The following GALNT14 variants were observed in gnomAD, a reference collection of about 807,000 sequenced individuals.
The protein encoded by GALNT14 is UDP-GalNAc:polypeptide N-acetylgalactosaminyltransferase 14.
In GALNT14, 60 loss-of-function variants were observed where a neutral mutation model predicts 77.5. That is an observed-to-expected ratio of 0.77 (90% CI 0.63 to 0.96). The LOEUF (loss-of-function observed/expected upper bound fraction) is 0.96. Ranked by LOEUF, GALNT14 falls within the 40% of genes least tolerant of loss-of-function variation. The pLI is 0.00. For synonymous variants in GALNT14, 280 were observed against 281.7 expected, an observed-to-expected ratio of 0.99 and a Z score of 0.06; for missense variants, 710 against 731.0, an observed-to-expected ratio of 0.97 and a Z score of 0.33.
chr2:30,928,339 C>T (rs1420575781), intron 11 of GALNT14, among the ~76,000 whole-genome samples: 1 of 152,160 alleles, frequency 6.6e-6, no homozygotes, highest in African/African-American at 2.4e-5. Flanking sequence ...CCCAAAGAAA[C>T]ATAAATGATA....
chr2:31,057,578 C>T (rs1269306703), intron 1 of GALNT14, among the ~76,000 whole-genome samples: 2 of 151,670 alleles, frequency 1.3e-5, no homozygotes, highest in African/African-American at 2.4e-5. Flanking sequence ...CACAGTCACC[C>T]GGAGGAACAA....
chr2:31,040,154 T>C (rs1299379947), intron 1 of GALNT14, among the ~76,000 whole-genome samples: 2 of 152,228 alleles, frequency 1.3e-5, no homozygotes, highest in Non-Finnish European at 2.9e-5. Context: ...ATGTACTCAG[T>C]ATAAATCACC....
intron 1 of GALNT14, among the ~76,000 whole-genome samples, chr2:31,065,775 C>T (rs1674911172): frequency 6.6e-6 from 1 of 152,174 alleles, no homozygotes; most frequent in African/African-American, 2.4e-5. Flanking sequence ...AACCCTCCTA[C>T]AAATCCCTCC....
At chr2:31,007,359 T>C (rs1478995720) in intron 1 of GALNT14, among the ~76,000 whole-genome samples, 2 of 152,204 alleles carry the variant, frequency 1.3e-5, no homozygotes, top group Non-Finnish European at 2.9e-5. Context: ...GGATTTATGA[T>C]GCACTTGCTT....
Position 30,948,463 on chromosome 2 carries a change from C to A in GALNT14, c.655-2593G>T, listed in dbSNP as rs544559144. On this transcript the variant is annotated intron_variant, in intron 6 of 14. Transcript: ENST00000349752. ...GCCGTGTGGTACCAACTCAACTTGA[C>A]CTCTGAAAAGGCATGGAGACCATGA... is the stretch of plus-strand genomic sequence containing the variant. Among the ~76,000 whole-genome samples, 6 of 152,302 alleles carry A rather than the reference C, an allele frequency of 3.9e-5. No individual in the cohort carries two copies. The East Asian group carries it at 7.7e-4, about 20-fold the overall frequency.
At chr2:30,932,038 C>T (rs759533365) in intron 10 of GALNT14, 30 bp downstream of exon 10, 6 of 1,469,466 alleles carry the variant, frequency 4.1e-6, no homozygotes, top group Non-Finnish European at 5.4e-6. Flanking sequence ...TGTGCTGCTG[C>T]CCACCCGCGC....
At chr2:30,938,265 G>A (rs1666170922) in intron 9 of GALNT14, among the ~76,000 whole-genome samples, 1 of 150,330 alleles carries the variant, frequency 6.7e-6, no homozygotes, top group African/African-American at 2.5e-5. Context: ...GCTCCTTTTT[G>A]GAAATATGCA....
chr2:31,052,932 GGA>G (rs1673975647), intron 1 of GALNT14, among the ~76,000 whole-genome samples: 2 of 152,196 alleles, frequency 1.3e-5, no homozygotes, highest in African/African-American at 4.8e-5. Context: ...TTCAAAAGGA[GGA>G]GAGCCGTGAG....
At chr2:31,014,225 G>C (rs1671207255) in intron 1 of GALNT14, among the ~76,000 whole-genome samples, 1 of 152,188 alleles carries the variant, frequency 6.6e-6, no homozygotes, top group Non-Finnish European at 1.5e-5. Flanking sequence ...AGGAGAAGCT[G>C]ACTAAAGATG....
At chr2:31,067,554 T>C (rs956991064) in intron 1 of GALNT14, among the ~76,000 whole-genome samples, 14 of 152,108 alleles carry the variant, frequency 9.2e-5, no homozygotes, top group African/African-American at 3.4e-4. Context: ...TGCTGTAAAA[T>C]AGGGTCCCTG....
chr2:31,025,689 G>T (rs1672005044), intron 1 of GALNT14, among the ~76,000 whole-genome samples: 1 of 152,210 alleles, frequency 6.6e-6, no homozygotes, highest in African/African-American at 2.4e-5. Flanking sequence ...GAGAGGGCAA[G>T]TGCATGTGAG....
chr2:31,066,588 A>G lies in GALNT14; in HGVS notation c.129+71370T>C, dbSNP rs115774830. ...CTGACAGGAGTTGGACACGAAGTAC[A>G]TCTCGGCCAAAACATCATCATCCCC... is the stretch of plus-strand genomic sequence containing the variant. On this transcript the variant is annotated intron_variant, in intron 1 of 14. Transcript: ENST00000349752. Among the ~76,000 whole-genome samples, 748 of 152,266 alleles carry G rather than the reference A, an allele frequency of 4.9e-3. 3 individuals are homozygous for G. The highest frequency in any genetic ancestry group is 7.6e-3 in the Non-Finnish European group (514 of 68,004).
At chr2:31,068,902 G>T (rs1462826013) in intron 1 of GALNT14, among the ~76,000 whole-genome samples, 1 of 152,200 alleles carries the variant, frequency 6.6e-6, no homozygotes, top group Non-Finnish European at 1.5e-5. Context: ...AGCCGCAAGA[G>T]GCCACGTATT....
At chr2:31,124,434 G>A (rs963059375) in intron 1 of GALNT14, among the ~76,000 whole-genome samples, 4 of 152,156 alleles carry the variant, frequency 2.6e-5, no homozygotes, top group African/African-American at 7.2e-5. Flanking sequence ...TTTACCAGGC[G>A]TTGTTCTGTA....
chr2:30,958,580 C>A, intron 3 of GALNT14, 116 bp from the exon 4 acceptor site: 1 of 760,070 alleles, frequency 1.3e-6, no homozygotes, highest in Admixed American at 2.2e-5. Flanking sequence ...AGAGCACCAA[C>A]GGGCTTGTCC....
rs372264127 is a variant in GALNT14, at chr2:31,137,003, C to G, written c.129+955G>C. Among the ~76,000 whole-genome samples the G allele has an allele frequency of 1.4e-4, 21 of 152,298 alleles. No individual in the cohort carries two copies. The East Asian group carries it at 2.1e-3, about 15-fold the overall frequency. On this transcript the variant is annotated intron_variant, in intron 1 of 14. Transcript: ENST00000349752. ...TTGCCCAGACCCCTAGACGACTGTT[C>G]TGGACCCAGTTTATAAAGACTGCCT...
chr2:31,004,473 C>G (rs901992044), intron 1 of GALNT14, among the ~76,000 whole-genome samples: 8 of 152,186 alleles, frequency 5.3e-5, no homozygotes, highest in Non-Finnish European at 1.2e-4. Context: ...CTGGATAGAG[C>G]TGGATGCTGA....
In GALNT14 at chr2:31,017,970, G is replaced by A. The variant is rs73923381; in HGVS notation, c.130-24963C>T. 8.0e-3 allele frequency among the ~76,000 whole-genome samples: 1,212 copies of A among 152,344 alleles called. 13 individuals carry two copies. Among genetic ancestry groups the A allele is most frequent in the African/African-American group, 0.023 (956 of 41,570 alleles). ...TAGTTATGGTGACAAGGGTAAAATT[G>A]CCCTCGCCACAGGGCCTCGGCCTTG... On this transcript the variant is annotated intron_variant, in intron 1 of 14. Transcript: ENST00000349752.
intron 1 of GALNT14, chr2:31,129,553 C>T: frequency 1.0e-6 from 1 of 985,340 alleles, no homozygotes; most frequent in Non-Finnish European, 1.2e-6. Context: ...ATCCACAGAC[C>T]ACGTGGCCTG....
Sources: gnomAD v4.1 joint callset for allele counts (sites outside exome capture counted in the v4.1 genomes callset) on GRCh38, gnomAD v4.1.1 for gene constraint, MANE v1.5 for transcripts, NCBI Gene and HGNC (gene_info 2026-07-23, HGNC 2026-07-21) for gene names.